GRID2: variants seen among roughly 807,000 people sequenced by gnomAD.
The protein encoded by GRID2 is glutamate ionotropic receptor delta type subunit 2, also known as glutamate receptor ionotropic, delta-2.
GRID2 carries 33 observed loss-of-function variants against 114.8 expected under a neutral mutation model. The ratio of observed to expected loss-of-function variants is 0.29; its 90% CI spans 0.22 to 0.38. The LOEUF (loss-of-function observed/expected upper bound fraction) is 0.38, where lower values mean the gene tolerates loss of function less well. Among genes scored for constraint, GRID2 ranks in the 10% least tolerant of loss-of-function variants. GRID2 has a pLI of 1.00. For synonymous variants in GRID2, 505 were observed against 449.9 expected (o/e 1.12, Z -1.55); for missense variants, 1,184 against 1,257.7 (o/e 0.94, Z 0.89).
chr4:93,603,210 CA>C (rs1187078804), intron 13 of GRID2, among the ~76,000 whole-genome samples: 2 of 148,732 alleles, frequency 1.3e-5, no homozygotes, highest in Admixed American at 6.7e-5. Context: ...GACTTCATCT[CA>C]AAAAAAAAGA....
intron 2 of GRID2, among the ~76,000 whole-genome samples, chr4:92,866,604 C>A (rs1744881814): frequency 6.6e-6 from 1 of 151,708 alleles, no homozygotes; most frequent in African/African-American, 2.4e-5. Flanking sequence ...AGTGCAGTGG[C>A]ACGATCTCAG....
At chr4:93,039,995 A>G (rs966847789) in intron 2 of GRID2, among the ~76,000 whole-genome samples, 2 of 152,156 alleles carry the variant, frequency 1.3e-5, no homozygotes, top group Admixed American at 1.3e-4. Context: ...TTCTAGTCAA[A>G]TGCACAGGAA....
chr4:92,950,361 A>T (rs558696316), intron 2 of GRID2, among the ~76,000 whole-genome samples: 1 of 152,156 alleles, frequency 6.6e-6, no homozygotes, highest in South Asian at 2.1e-4. Context: ...ACTGGCAAAG[A>T]CAGTGTAAAT....
intron 10 of GRID2, among the ~76,000 whole-genome samples, chr4:93,449,046 C>T (rs1369913486): frequency 1.4e-5 from 2 of 147,668 alleles, no homozygotes; most frequent in East Asian, 4.0e-4. Context: ...TTTAGCATTT[C>T]TTCAATCCTT....
chr4:93,196,464 A>T (rs1212529103), intron 4 of GRID2, among the ~76,000 whole-genome samples: 1 of 152,182 alleles, frequency 6.6e-6, no homozygotes, highest in African/African-American at 2.4e-5. Flanking sequence ...TAATTTTAGT[A>T]GAATCATCAA....
chr4:93,506,461 A>T (rs1728640041), intron 12 of GRID2, among the ~76,000 whole-genome samples: 1 of 152,182 alleles, frequency 6.6e-6, no homozygotes, highest in Admixed American at 6.5e-5. Context: ...GTTCTAAAAA[A>T]ATTAAAATGA....
At chr4:93,637,620 G>A (rs946190882) in intron 14 of GRID2, among the ~76,000 whole-genome samples, 1 of 152,060 alleles carries the variant, frequency 6.6e-6, no homozygotes, top group Admixed American at 6.6e-5. Flanking sequence ...AATAACAAAG[G>A]GTCCTCCATT....
intron 1 of GRID2, among the ~76,000 whole-genome samples, chr4:92,553,219 C>T (rs1209627653): frequency 6.6e-6 from 1 of 152,138 alleles, no homozygotes; most frequent in African/African-American, 2.4e-5. Flanking sequence ...CAGAATGCAC[C>T]TGCATTGGGT....
intron 11 of GRID2, among the ~76,000 whole-genome samples, chr4:93,456,218 G>A (rs1322803575): frequency 6.6e-6 from 1 of 152,120 alleles, no homozygotes; most frequent in Admixed American, 6.5e-5. Flanking sequence ...AGGCAAATGT[G>A]AATGTCAAAG....
chr4:93,636,010 A>T (rs2149705628), intron 14 of GRID2, among the ~76,000 whole-genome samples: 1 of 152,316 alleles, frequency 6.6e-6, no homozygotes, highest in South Asian at 2.1e-4. Context: ...GTAGATTTTT[A>T]AGTGATACAA....
At chr4:93,560,243 A>AAAAAC (rs1734786291) in intron 13 of GRID2, among the ~76,000 whole-genome samples, 1 of 149,750 alleles carries the variant, frequency 6.7e-6, no homozygotes, top group South Asian at 2.1e-4. Context: ...AAAAAAAAAA[A>AAAAAC]AAAAAAAAAA....
rs59093874 is a variant in GRID2, at chr4:92,336,954, G to GTTTTTTTT, written c.88+32224_88+32231dup. Among the ~76,000 whole-genome samples, 79 of 78,012 alleles carry GTTTTTTTT rather than the reference G, an allele frequency of 1.0e-3. 2 individuals are homozygous for GTTTTTTTT. Among genetic ancestry groups the GTTTTTTTT allele is most frequent in the African/African-American group, 1.2e-3 (22 of 18,844 alleles). 51.2% of individuals were successfully genotyped at this position (78,012 alleles called of 152,430 possible). ...GGACCAAGTCAGGTCTTTCGTTGTT[G>GTTTTTTTT]TTTTTTTTTTTTTTTTTTTTTCATG... On this transcript the variant is annotated intron_variant, in intron 1 of 15. Coordinates refer to ENST00000282020, the MANE Select transcript of GRID2 (RefSeq NM_001510.4).
chr4:93,333,934 G>A (rs112932914), intron 8 of GRID2, among the ~76,000 whole-genome samples: 161 of 152,198 alleles, frequency 1.1e-3, no homozygotes, highest in Middle Eastern at 3.4e-3. Context: ...TCTTGTGGGG[G>A]AAAATTTACC....
At chr4:93,442,403 G>C (rs1560623403) in intron 10 of GRID2, among the ~76,000 whole-genome samples, 1 of 151,860 alleles carries the variant, frequency 6.6e-6, no homozygotes, top group Non-Finnish European at 1.5e-5. Context: ...ATTACCTCTT[G>C]GGAATTATAG....
At chr4:93,037,165 A>G (rs1168878386) in intron 2 of GRID2, among the ~76,000 whole-genome samples, 7 of 152,268 alleles carry the variant, frequency 4.6e-5, no homozygotes, top group African/African-American at 1.7e-4. Flanking sequence ...CTGGCATGTA[A>G]TTTCTCTATT....
intron 7 of GRID2, among the ~76,000 whole-genome samples, chr4:93,235,667 C>T (rs888407412): frequency 8.5e-5 from 13 of 152,066 alleles, no homozygotes; most frequent in African/African-American, 3.1e-4. Flanking sequence ...TACATGCCAA[C>T]GGCTCATTAG....
At chr4:93,405,228 T>A (rs888244608) in intron 9 of GRID2, among the ~76,000 whole-genome samples, 1 of 152,160 alleles carries the variant, frequency 6.6e-6, no homozygotes, top group African/African-American at 2.4e-5. Context: ...AAACAGACTC[T>A]TAAAGAAAAA....
intron 1 of GRID2, among the ~76,000 whole-genome samples, chr4:92,567,764 A>G (rs546582357): frequency 5.6e-4 from 85 of 152,106 alleles, no homozygotes; most frequent in Non-Finnish European, 1.1e-3. Context: ...ATGATTGTTG[A>G]TATCTTTTAA....
intron 1 of GRID2, among the ~76,000 whole-genome samples, chr4:92,531,194 T>C (rs994030928): frequency 6.6e-6 from 1 of 152,138 alleles, no homozygotes; most frequent in Non-Finnish European, 1.5e-5. Flanking sequence ...AGATAGATGT[T>C]GGATCAATGA....
Sources: gnomAD v4.1 joint callset for allele counts (sites outside exome capture counted in the v4.1 genomes callset) on GRCh38, gnomAD v4.1.1 for gene constraint, MANE v1.5 for transcripts, NCBI Gene and HGNC (gene_info 2026-07-23, HGNC 2026-07-21) for gene names.